The following TRAPPC9 variants were observed in gnomAD, a reference collection of about 807,000 sequenced individuals.
The protein encoded by TRAPPC9 is trafficking protein particle complex subunit 9.
A neutral mutation model predicts 124.0 loss-of-function variants in TRAPPC9; 83 were observed. That is an observed-to-expected ratio of 0.67 (90% CI 0.56 to 0.80). The LOEUF is 0.80. Among genes scored for constraint, TRAPPC9 ranks in the 30% least tolerant of loss-of-function variants. The pLI is 0.00. For synonymous variants in TRAPPC9, 638 were observed against 617.5 expected, an observed-to-expected ratio of 1.03 and a Z score of -0.49; for missense variants, 1,302 against 1,508.3, an observed-to-expected ratio of 0.86 and a Z score of 2.27.
chr8:140,247,190 C>T lies in TRAPPC9; in HGVS notation c.2431+5587G>A, dbSNP rs372812851. 5.3e-5 allele frequency among the ~76,000 whole-genome samples: 8 copies of T among 152,338 alleles called. No individual in the cohort carries two copies. In the East Asian group the frequency reaches 1.3e-3, roughly 26 times the overall value. ...CGTCTCTCTAGTTACTTTGGCTGTG[C>T]TTCCCTAGTAGAATCCTCAAGAAAT... On this transcript the variant is annotated intron_variant, in intron 16 of 22. Coordinates refer to ENST00000438773, the MANE Select transcript of TRAPPC9 (RefSeq NM_001160372.4).
At chr8:139,875,160 AAGAAGAGAGAGGAGGG>A (rs1399119483) in intron 21 of TRAPPC9, among the ~76,000 whole-genome samples, 3 of 152,054 alleles carry the variant, frequency 2.0e-5, no homozygotes, top group Non-Finnish European at 4.4e-5. Flanking sequence ...AGGACGGGGG[AAGAAGAGAGAGGAGGG>A]AGAGGAGAGA....
At chr8:140,311,418 G>C in intron 9 of TRAPPC9, 44 bp from the exon 10 acceptor site, 1 of 1,607,146 alleles carries the variant, frequency 6.2e-7, no homozygotes, top group East Asian at 2.2e-5. Flanking sequence ...TTAGGCAAAA[G>C]TCAAAGTGGC....
intron 17 of TRAPPC9, among the ~76,000 whole-genome samples, chr8:140,125,409 A>C (rs575039303): frequency 1.3e-5 from 2 of 152,052 alleles, no homozygotes; most frequent in East Asian, 1.9e-4. Flanking sequence ...CACGGGGTCA[A>C]CTCAGGTTTA....
chr8:139,891,957 C>T (rs1830378760), intron 20 of TRAPPC9, among the ~76,000 whole-genome samples: 1 of 152,244 alleles, frequency 6.6e-6, no homozygotes, highest in African/African-American at 2.4e-5. Flanking sequence ...CCACTCTGCC[C>T]CCAGAGGCTG....
chr8:140,231,976 A>G (rs990761998), intron 16 of TRAPPC9, among the ~76,000 whole-genome samples: 1 of 152,078 alleles, frequency 6.6e-6, no homozygotes, highest in African/African-American at 2.4e-5. Flanking sequence ...GTTTTGACAC[A>G]TTGACCAGGC....
At position 139,767,717 on chromosome 8, in the gene TRAPPC9, C is replaced by A. The variant is rs144712916; in HGVS notation, c.3056-35515G>T. Reference sequence around the variant, plus strand: ...GACAAGCACTTCATCAAAGAAGAAACGCCAGCCACTGATGAGCACGTGGCA... The same window carrying A: ...GACAAGCACTTCATCAAAGAAGAAAAGCCAGCCACTGATGAGCACGTGGCA... On this transcript the variant is annotated intron_variant, in intron 21 of 22. Transcript: ENST00000438773. Among the ~76,000 whole-genome samples the A allele has an allele frequency of 2.2e-3, 331 of 152,336 alleles. 2 individuals are homozygous for A. Among genetic ancestry groups the A allele is most frequent in the African/African-American group, 6.9e-3 (285 of 41,582 alleles).
At chr8:139,932,431 A>G (rs2233235) in intron 19 of TRAPPC9, 413 of 457,860 alleles carry the variant, frequency 9.0e-4, no homozygotes, top group African/African-American at 7.1e-3. Context: ...TCCCGTCATA[A>G]GTACAAGATG....
chr8:139,755,492 G>A (rs1271662368), intron 21 of TRAPPC9, among the ~76,000 whole-genome samples: 3 of 145,860 alleles, frequency 2.1e-5, no homozygotes, highest in Non-Finnish European at 3.0e-5. Flanking sequence ...GGAGGAGCCA[G>A]GGTTGGGGTA....
intron 9 of TRAPPC9, among the ~76,000 whole-genome samples, chr8:140,349,818 C>T (rs1403283006): frequency 6.6e-6 from 1 of 152,204 alleles, no homozygotes; most frequent in Non-Finnish European, 1.5e-5. Flanking sequence ...TGAAGAAGAC[C>T]TGATGAGGGT....
chr8:140,223,488 C>T (rs1190845669), intron 16 of TRAPPC9, among the ~76,000 whole-genome samples: 1 of 152,118 alleles, frequency 6.6e-6, no homozygotes, highest in Non-Finnish European at 1.5e-5. Flanking sequence ...TGATTCTAAG[C>T]CTAGGATCCT....
chr8:140,373,994 A>T (rs1214944280), intron 7 of TRAPPC9, among the ~76,000 whole-genome samples: 1 of 152,206 alleles, frequency 6.6e-6, no homozygotes, highest in African/African-American at 2.4e-5. Flanking sequence ...GGGAGTGTTC[A>T]TAAGCAAAAG....
intron 21 of TRAPPC9, among the ~76,000 whole-genome samples, chr8:139,846,486 A>C (rs997934084): frequency 3.9e-5 from 6 of 152,244 alleles, no homozygotes; most frequent in Non-Finnish European, 8.8e-5. Context: ...ATCCTAAATC[A>C]AGGGGAGGCA....
chr8:139,971,792 C>CAT (rs1168384406), intron 19 of TRAPPC9, among the ~76,000 whole-genome samples: 43 of 15,672 alleles, frequency 2.7e-3, no homozygotes, highest in East Asian at 8.6e-3. Context: ...CATATATACA[C>CAT]ATATATATAT....
At chr8:140,245,491 G>A in intron 16 of TRAPPC9, among the ~76,000 whole-genome samples, 1 of 146,928 alleles carries the variant, frequency 6.8e-6, no homozygotes, top group Non-Finnish European at 1.5e-5. Context: ...GTGTGTGTGT[G>A]TCTGTAAAAT....
chr8:139,903,065 G>T (rs1432971005), intron 20 of TRAPPC9, among the ~76,000 whole-genome samples: 1 of 152,168 alleles, frequency 6.6e-6, no homozygotes, highest in African/African-American at 2.4e-5. Context: ...CACAGCCTGA[G>T]ACCCAAGCTG....
rs186994802 is a variant in TRAPPC9, at chr8:140,155,757, T to C, written c.2556+65702A>G. Among the ~76,000 whole-genome samples, 3 of 152,342 alleles carry C rather than the reference T, an allele frequency of 2.0e-5. No individual in the cohort carries two copies. In the East Asian group the frequency reaches 5.8e-4, roughly 29 times the overall value. On this transcript the variant is annotated intron_variant, in intron 17 of 22. Transcript: ENST00000438773. Reference sequence around the variant, plus strand: ...ATAGCTAAACCAATTGAATGTATAATTTGATTTTTGCAACAGTTGCCAAAT... The same window carrying C: ...ATAGCTAAACCAATTGAATGTATAACTTGATTTTTGCAACAGTTGCCAAAT...
chr8:140,209,618 C>T (rs2063008514), intron 17 of TRAPPC9, among the ~76,000 whole-genome samples: 1 of 152,180 alleles, frequency 6.6e-6, no homozygotes, highest in Admixed American at 6.5e-5. Flanking sequence ...ATTACTGGGA[C>T]AGATTAGAAA....
chr8:140,395,757 C>G (rs1265694798), intron 7 of TRAPPC9, among the ~76,000 whole-genome samples: 2 of 152,184 alleles, frequency 1.3e-5, no homozygotes, highest in Non-Finnish European at 2.9e-5. Context: ...TCTCTCCTCT[C>G]TCCTCCACCC....
chr8:139,947,391 C>T (rs577066345), intron 19 of TRAPPC9, among the ~76,000 whole-genome samples: 4 of 152,070 alleles, frequency 2.6e-5, no homozygotes, highest in South Asian at 2.1e-4. Flanking sequence ...ACTCAGCCGC[C>T]GGGAGCAAAG....
Sources: gnomAD v4.1 joint callset for allele counts (sites outside exome capture counted in the v4.1 genomes callset) on GRCh38, gnomAD v4.1.1 for gene constraint, MANE v1.5 for transcripts, NCBI Gene and HGNC (gene_info 2026-07-23, HGNC 2026-07-21) for gene names.